FRMD5: variants seen among roughly 807,000 people sequenced by gnomAD.
FRMD5 encodes the protein FERM domain-containing protein 5.
A neutral mutation model predicts 69.0 loss-of-function variants in FRMD5; 20 were observed. That is an observed-to-expected ratio of 0.29 (90% confidence interval 0.20 to 0.42). FRMD5 has a LOEUF of 0.42. FRMD5 is among the 10% of genes least tolerant of loss of function. The pLI, the probability that FRMD5 is intolerant of heterozygous loss-of-function variation, is 1.00. For synonymous variants in FRMD5, 271 were observed against 260.1 expected, an observed-to-expected ratio of 1.04 and a Z score of -0.40; for missense variants, 595 against 708.6, an observed-to-expected ratio of 0.84 and a Z score of 1.82.
intron 1 of FRMD5, among the ~76,000 whole-genome samples, chr15:44,152,078 C>T (rs1360561233): frequency 1.3e-5 from 2 of 152,000 alleles, no homozygotes; most frequent in African/African-American, 2.4e-5. Context: ...GGTGTCCTGG[C>T]GCATGCCTGT....
chr15:43,909,403 AAAAAC>A (rs1391575455), intron 5 of FRMD5, among the ~76,000 whole-genome samples: 6 of 151,670 alleles, frequency 4.0e-5, no homozygotes, highest in Admixed American at 2.6e-4. Flanking sequence ...CCATCTCAAA[AAAAAC>A]AAAACAAAAC....
intron 1 of FRMD5, among the ~76,000 whole-genome samples, chr15:43,965,274 T>C (rs925866712): frequency 2.6e-5 from 4 of 152,150 alleles, no homozygotes; most frequent in Non-Finnish European, 5.9e-5. Context: ...ATCATTCACT[T>C]TGATGACCTG....
chr15:44,082,724 T>C (rs1174368986), intron 1 of FRMD5, among the ~76,000 whole-genome samples: 2 of 151,952 alleles, frequency 1.3e-5, no homozygotes, highest in Admixed American at 1.3e-4. Context: ...TACATTTCAA[T>C]TTGCAAGCTC....
intron 1 of FRMD5, among the ~76,000 whole-genome samples, chr15:44,191,388 C>T (rs989267673): frequency 3.7e-4 from 56 of 152,058 alleles, no homozygotes; most frequent in Non-Finnish European, 6.8e-4. Context: ...GAGATAGAGA[C>T]CATCCTGGCC....
intron 1 of FRMD5, among the ~76,000 whole-genome samples, chr15:44,090,077 G>A (rs2076450198): frequency 6.6e-6 from 1 of 152,088 alleles, no homozygotes; most frequent in South Asian, 2.1e-4. Flanking sequence ...TCTATGTTTA[G>A]GGAGCTCCTA....
At position 44,020,021 on chromosome 15, in the gene FRMD5, T is replaced by C. The variant is rs1399662357; in HGVS notation, c.103-95712A>G. ...ATAAAGAAATAAAATAAATATATGT[T>C]TTCTTTGAATGAAACAAATTATCTA... On this transcript the variant is annotated intron_variant, in intron 1 of 13. Coordinates refer to ENST00000417257, the MANE Select transcript of FRMD5 (RefSeq NM_032892.5). Among the ~76,000 whole-genome samples the C allele has an allele frequency of 7.2e-5, 11 of 152,114 alleles. No individual in the cohort carries two copies. In the East Asian group the frequency reaches 2.1e-3, roughly 29 times the overall value.
At chr15:43,899,420 G>A (rs2088991333) in intron 7 of FRMD5, among the ~76,000 whole-genome samples, 1 of 152,118 alleles carries the variant, frequency 6.6e-6, no homozygotes, top group East Asian at 1.9e-4. Flanking sequence ...GGGGGTTTCT[G>A]TTCTTCCATA....
intron 4 of FRMD5, among the ~76,000 whole-genome samples, chr15:43,911,858 G>A (rs1398237649): frequency 2.0e-5 from 3 of 152,086 alleles, no homozygotes; most frequent in Non-Finnish European, 2.9e-5. Context: ...ACAGGAAGAG[G>A]GCTGTTGACA....
intron 12 of FRMD5, among the ~76,000 whole-genome samples, chr15:43,884,493 A>C (rs2088614076): frequency 6.6e-6 from 1 of 152,162 alleles, no homozygotes; most frequent in South Asian, 2.1e-4. Flanking sequence ...TTGCCAAGTG[A>C]AGTGGCACCT....
intron 1 of FRMD5, among the ~76,000 whole-genome samples, chr15:43,982,140 T>C (rs1021764277): frequency 1.3e-5 from 2 of 152,210 alleles, no homozygotes; most frequent in Non-Finnish European, 2.9e-5. Context: ...CATCCTTCCA[T>C]ACAGTTCTGT....
At chr15:43,889,838 C>T (rs1374499452) in intron 8 of FRMD5, among the ~76,000 whole-genome samples, 1 of 152,142 alleles carries the variant, frequency 6.6e-6, no homozygotes, top group African/African-American at 2.4e-5. Flanking sequence ...CCAACTGGGA[C>T]CCCCAAGGCG....
chr15:43,925,055 A>AGTGCAATAGCGCAGG, intron 1 of FRMD5, among the ~76,000 whole-genome samples: 2 of 126,960 alleles, frequency 1.6e-5, no homozygotes, highest in Non-Finnish European at 3.1e-5. Flanking sequence ...CCCAGGCTGG[A>AGTGCAATAGCGCAGG]GTGCAATAGC....
At chr15:44,146,373 A>ACCACATTTTAT (rs1304894239) in intron 1 of FRMD5, among the ~76,000 whole-genome samples, 1 of 152,116 alleles carries the variant, frequency 6.6e-6, no homozygotes, top group African/African-American at 2.4e-5. Context: ...ATGTCTATGT[A>ACCACATTTTAT]CCACATTTTA....
chr15:43,912,539 G>T (rs924571299), intron 4 of FRMD5, among the ~76,000 whole-genome samples: 1 of 151,868 alleles, frequency 6.6e-6, no homozygotes, highest in Non-Finnish European at 1.5e-5. Context: ...CACGCATCAC[G>T]TCTTCCATGT....
intron 1 of FRMD5, among the ~76,000 whole-genome samples, chr15:43,957,347 C>G (rs534694444): frequency 1.3e-5 from 2 of 152,262 alleles, no homozygotes; most frequent in South Asian, 2.1e-4. Context: ...AGGTGCCCAC[C>G]ACCATGCCTG....
At chr15:44,131,695 G>A (rs967016107) in intron 1 of FRMD5, among the ~76,000 whole-genome samples, 3 of 131,932 alleles carry the variant, frequency 2.3e-5, no homozygotes, top group Non-Finnish European at 5.1e-5. Context: ...GTCACAAAAA[G>A]AGAAATACTG....
intron 1 of FRMD5, among the ~76,000 whole-genome samples, chr15:44,181,020 T>C (rs904226863): frequency 6.6e-6 from 1 of 152,136 alleles, no homozygotes; most frequent in African/African-American, 2.4e-5. Context: ...TAAACACATT[T>C]GGTTAGAAAA....
At chr15:44,159,161 G>A (rs2077574208) in intron 1 of FRMD5, among the ~76,000 whole-genome samples, 1 of 152,190 alleles carries the variant, frequency 6.6e-6, no homozygotes, top group South Asian at 2.1e-4. Context: ...TGGAAATAGA[G>A]AGTGGTGTTT....
At position 43,886,060 on chromosome 15, in the gene FRMD5, G is replaced by C. The variant is rs143279653; in HGVS notation, c.885-305C>G. On this transcript the variant is annotated intron_variant, in intron 10 of 13. Coordinates refer to ENST00000417257, the MANE Select transcript of FRMD5 (RefSeq NM_032892.5). ...TGAGAGAATACATGCTCGGGTGGAT[G>C]GTCTTGGGGAATAATAGAATGCCCA... 6.7e-3 allele frequency among the ~76,000 whole-genome samples: 1,023 copies of C among 152,284 alleles called. 10 individuals are homozygous for C. Among genetic ancestry groups the C allele is most frequent in the African/African-American group, 0.023 (965 of 41,548 alleles).
Sources: gnomAD v4.1 joint callset for allele counts (sites outside exome capture counted in the v4.1 genomes callset) on GRCh38, gnomAD v4.1.1 for gene constraint, MANE v1.5 for transcripts, NCBI Gene and HGNC (gene_info 2026-07-23, HGNC 2026-07-21) for gene names.